RBM3: variants seen among roughly 807,000 people sequenced by gnomAD.
RBM3 encodes RNA binding motif protein 3.
Under a neutral mutation model 12.0 loss-of-function variants are expected in RBM3, and 3 were observed. The observed-to-expected ratio is 0.25, with a 90% CI of 0.11 to 0.65. The LOEUF (loss-of-function observed/expected upper bound fraction) is 0.65. RBM3 is among the 30% of genes least tolerant of loss of function. The probability of loss-of-function intolerance (pLI) is 0.84; values close to 1 mark genes in which losing one functional copy is unlikely to be tolerated. For missense variants in RBM3, 108 were observed against 134.5 expected (o/e 0.80, Z 0.97); for synonymous variants, 58 against 45.7 (o/e 1.27, Z -1.08).
In RBM3 at chrX:48,576,437, T is replaced by A. The variant is rs782158959; in HGVS notation, c.316+18T>A. 1 of 1,205,170 alleles carries A rather than the reference T, an allele frequency of 8.3e-7. No homozygotes were observed. The highest frequency in any genetic ancestry group is 1.8e-5 in the South Asian group (1 of 55,917). Reference sequence around the variant, plus strand: ...CTCTAGAGGTGAGTGCAGTGATCGTTTTGATCATGGGGTGAGAGGGAGAGT... The same window carrying A: ...CTCTAGAGGTGAGTGCAGTGATCGTATTGATCATGGGGTGAGAGGGAGAGT... On this transcript the variant is annotated intron_variant, in intron 4 of 6. Coordinates refer to ENST00000376759, the MANE Select transcript of RBM3 (RefSeq NM_006743.5).
chrX:48,577,567 A>T lies in RBM3; in HGVS notation c.*126A>T. ...AAGCATCTTATTTTATAGTATATCA[A>T]CCTTTTGTTTTTAAATTGACCTGCC... On this transcript the variant is annotated 3_prime_UTR_variant, in exon 7 of 7. Coordinates refer to ENST00000376759, the MANE Select transcript of RBM3 (RefSeq NM_006743.5). 2 of 827,394 alleles carry T rather than the reference A, an allele frequency of 2.4e-6. No individual in the cohort carries two copies. Among genetic ancestry groups the T allele is most frequent in the South Asian group, 2.3e-5 (1 of 42,615 alleles). The allele number at this position is 827,394 out of a possible 1,213,427, so 68.2% of individuals were successfully genotyped here.
At position 48,577,618 on chromosome X, in the gene RBM3, G is replaced by T; in HGVS notation, c.*177G>T. ...AAGGTAGCTGAAGACCTTTTAGACA[G>T]TTCCATCTTTTTTTTTAAATTTTTT... On this transcript the variant is annotated 3_prime_UTR_variant, in exon 7 of 7. Coordinates refer to ENST00000376759, the MANE Select transcript of RBM3 (RefSeq NM_006743.5). 1 of 420,215 alleles carries T rather than the reference G, an allele frequency of 2.4e-6. No individual in the cohort carries two copies. The highest frequency in any genetic ancestry group is 3.3e-6 in the Non-Finnish European group (1 of 306,494). The allele number at this position is 420,215 out of a possible 1,213,427, so 34.6% of individuals were successfully genotyped here.
intron 3 of RBM3, chrX:48,576,001 C>T (rs2062078294): frequency 2.3e-6 from 2 of 863,296 alleles, no homozygotes; most frequent in Admixed American, 3.7e-5. Flanking sequence ...AAGCCTCAAA[C>T]CAAGAGAGGT....
At chrX:48,577,242 T>C in intron 6 of RBM3, 133 bp downstream of exon 6, 2 of 1,134,844 alleles carry the variant, frequency 1.8e-6, no homozygotes, top group South Asian at 4.2e-5. Context: ...CAAACATTCC[T>C]AGCTAGGCCT....
rs1556989615 is a variant in RBM3 at position 48,577,461 on chromosome X, C to G, written c.*24-4C>G. ...CACAATTCTCCCCCTCTTGCTGTTC[C>G]CAGATACACAAGGAATAATTTCTGA... On this transcript the variant is annotated splice_polypyrimidine_tract_variant and splice_region_variant and intron_variant, in intron 6 of 6. Transcript: ENST00000376759. The G allele has an allele frequency of 1.9e-6, 2 of 1,051,969 alleles. No homozygotes were observed. The highest frequency in any genetic ancestry group is 2.5e-6 in the Non-Finnish European group (2 of 798,497). 86.7% of individuals were successfully genotyped at this position (1,051,969 alleles called of 1,213,427 possible). A position where few individuals can be genotyped will look rare whatever the true frequency, so the allele number is the denominator to read the frequency against.
At chrX:48,576,906 C>T in intron 5 of RBM3, 120 bp from the exon 6 acceptor site, 3 of 897,280 alleles carry the variant, frequency 3.3e-6, no homozygotes, top group Non-Finnish European at 4.6e-6. Flanking sequence ...CTTAACATAT[C>T]CTGTTTTTGA....
At chrX:48,574,845 A>C in intron 1 of RBM3, 1 of 361,218 alleles carries the variant, frequency 2.8e-6, no homozygotes, top group Non-Finnish European at 5.3e-6. Context: ...TCCTTATCCC[A>C]CGTGGCCGCC....
At chrX:48,575,146 A>G (rs782704794) in intron 1 of RBM3, 22 bp from the exon 2 acceptor site, 3 of 1,089,951 alleles carry the variant, frequency 2.8e-6, no homozygotes, top group Non-Finnish European at 3.8e-6. Context: ...TCCTGCCACC[A>G]TTCTTCATGT....
At position 48,578,426 on chromosome X, in the gene RBM3, A is replaced by T. The variant is rs1450800566; in HGVS notation, c.*985A>T. The T allele has an allele frequency of 9.0e-6, 1 of 111,024 alleles. No individual in the cohort carries two copies. Among genetic ancestry groups the T allele is most frequent in the East Asian group, 2.8e-4 (1 of 3,511 alleles). The allele number at this position is 111,024 out of a possible 1,213,427, so 9.1% of individuals were successfully genotyped here. ...CATCTCTACTAAAAATACAAAAGTT[A>T]GCGGGGCGTGGTGGCGGGTGCATGT... On this transcript the variant is annotated 3_prime_UTR_variant, in exon 7 of 7. Transcript: ENST00000376759.
At position 48,580,431 on chromosome X, in the gene RBM3, C is replaced by CT. The variant is rs1232104851; in HGVS notation, c.*2991dup. ...GTTTTTTTCCAGACAGGGTCTCACT[C>CT]TGTCTCCCAGGCTGGAGTGCAGTGG... On this transcript the variant is annotated 3_prime_UTR_variant, in exon 7 of 7. Transcript: ENST00000376759. 9.0e-6 allele frequency among the ~76,000 whole-genome samples: 1 copy of CT among 111,494 alleles called. No individual in the cohort carries two copies. Among genetic ancestry groups the CT allele is most frequent in the African/African-American group, 3.3e-5 (1 of 30,624 alleles).
rs782682380 is a variant in RBM3, at chrX:48,576,996, A to G, written c.414-30A>G. On this transcript the variant is annotated intron_variant, in intron 5 of 6. Coordinates refer to ENST00000376759, the MANE Select transcript of RBM3 (RefSeq NM_006743.5). ...GTGGTATATATAATGCAGTACCAGA[A>G]AACTTTTGTGTGTTTTTTTTCCCCC... The G allele has an allele frequency of 1.8e-5, 22 of 1,205,003 alleles. No homozygotes were observed. The African/African-American group carries it at 3.9e-4, about 21-fold the overall frequency.
chrX:48,576,468 A>G lies in RBM3; in HGVS notation c.317-40A>G. The G allele has an allele frequency of 3.3e-6, 4 of 1,196,504 alleles. No individual in the cohort carries two copies. In the South Asian group the frequency reaches 5.5e-5, roughly 16 times the overall value. ...CATGGGGTGAGAGGGAGAGTTGCCT[A>G]TGTGTGGACAACTGCCATTTAAATA... On this transcript the variant is annotated intron_variant, in intron 4 of 6. Transcript: ENST00000376759.
Position 48,580,419 on chromosome X carries a change from C to G in RBM3, c.*2978C>G, listed in dbSNP as rs2062097279. On this transcript the variant is annotated 3_prime_UTR_variant, in exon 7 of 7. Transcript: ENST00000376759. ...GTTTTTTTGTTGGTTTTTTTCCAGA[C>G]AGGGTCTCACTCTGTCTCCCAGGCT... Among the ~76,000 whole-genome samples, 1 of 111,197 alleles carries G rather than the reference C, an allele frequency of 9.0e-6. No homozygotes were observed. Among genetic ancestry groups the G allele is most frequent in the Admixed American group, 9.7e-5 (1 of 10,335 alleles).
rs1483235817 is a variant in RBM3 at position 48,577,938 on chromosome X, T to A, written c.*497T>A. 1 of 113,782 alleles carries A rather than the reference T, an allele frequency of 8.8e-6. No homozygotes were observed. The highest frequency in any genetic ancestry group is 3.3e-5 in the African/African-American group (1 of 30,686). The allele number at this position is 113,782 out of a possible 1,213,427, so 9.4% of individuals were successfully genotyped here. A position where few individuals can be genotyped will look rare whatever the true frequency, so the allele number is the denominator to read the frequency against. On this transcript the variant is annotated 3_prime_UTR_variant, in exon 7 of 7. Coordinates refer to ENST00000376759, the MANE Select transcript of RBM3 (RefSeq NM_006743.5). Reference sequence around the variant, plus strand: ...TGTACTAAACATAAAAAAATTAGCCTGGCATGGTGGTGTACGCCTGTAATC... The same window carrying A: ...TGTACTAAACATAAAAAAATTAGCCAGGCATGGTGGTGTACGCCTGTAATC...
At position 48,577,129 on chromosome X, in the gene RBM3, A is replaced by C; in HGVS notation, c.*23+20A>C. Reference sequence around the variant, plus strand: ...ATATAGGTGAGACTTGGATATCGGCATTGAGTGAACCTGTTTGTCACACTC... The same window carrying C: ...ATATAGGTGAGACTTGGATATCGGCCTTGAGTGAACCTGTTTGTCACACTC... On this transcript the variant is annotated intron_variant, in intron 6 of 6. Coordinates refer to ENST00000376759, the MANE Select transcript of RBM3 (RefSeq NM_006743.5). The C allele has an allele frequency of 8.3e-7, 1 of 1,210,191 alleles. No homozygotes were observed. Among genetic ancestry groups the C allele is most frequent in the Non-Finnish European group, 1.1e-6 (1 of 894,947 alleles).
rs1556989207 is a variant in RBM3 at position 48,576,309 on chromosome X, C to CT, written c.211-3dup. The CT allele has an allele frequency of 3.3e-6, 4 of 1,207,348 alleles. No individual in the cohort carries two copies. The highest frequency in any genetic ancestry group is 4.5e-6 in the Non-Finnish European group (4 of 893,728). On this transcript the variant is annotated splice_region_variant and splice_polypyrimidine_tract_variant and intron_variant, in intron 3 of 6. Transcript: ENST00000376759. ...ACCCATCATCCTTGTGTCTCCCACA[C>CT]TTAGTCTCTGGATGGTCGTCAGATC...
rs1440905312 is a variant in RBM3, at chrX:48,574,969, C to CTA, written c.-13-198_-13-197dup. ...GTGAGAGCATGCGCAATGTGGCCCC[C>CTA]TAATGGTGGCTGCGCTGAGCCAGCT... On this transcript the variant is annotated intron_variant, in intron 1 of 6. Coordinates refer to ENST00000376759, the MANE Select transcript of RBM3 (RefSeq NM_006743.5). 1.3e-5 allele frequency: 6 copies of CTA among 450,187 alleles called. No individual in the cohort carries two copies. The Admixed American group carries it at 1.9e-4, about 14-fold the overall frequency. 37.1% of individuals were successfully genotyped at this position (450,187 alleles called of 1,213,427 possible).
rs187675273 is a variant in RBM3 at position 48,579,055 on chromosome X, G to A, written c.*1614G>A. 5 of 101,163 alleles carry A rather than the reference G, an allele frequency of 4.9e-5. No homozygotes were observed. The highest frequency in any genetic ancestry group is 4.7e-4 in the South Asian group (1 of 2,145). 8.3% of individuals were successfully genotyped at this position (101,163 alleles called of 1,213,427 possible). ...AAGAGTTGGCAAAGCTCTCAGTCAC[G>A]GGGATTTGATCTTTTTTGGTGTGTG... is the stretch of plus-strand genomic sequence containing the variant. On this transcript the variant is annotated 3_prime_UTR_variant, in exon 7 of 7. Transcript: ENST00000376759.
Position 48,575,154 on chromosome X carries a change from T to C in RBM3, c.-13-14T>C, listed in dbSNP as rs1556988940. 2 of 1,131,894 alleles carry C rather than the reference T, an allele frequency of 1.8e-6. No homozygotes were observed. Among genetic ancestry groups the C allele is most frequent in the South Asian group, 1.9e-5 (1 of 53,447 alleles). 93.3% of individuals were successfully genotyped at this position (1,131,894 alleles called of 1,213,427 possible). On this transcript the variant is annotated splice_polypyrimidine_tract_variant and intron_variant, in intron 1 of 6. Transcript: ENST00000376759. Reference sequence around the variant, plus strand: ...TTCTCCTTCCTGCCACCATTCTTCATGTTCTTCCCACAGGACTTGAACTGC... The same window carrying C: ...TTCTCCTTCCTGCCACCATTCTTCACGTTCTTCCCACAGGACTTGAACTGC...
Sources: allele counts gnomAD v4.1 joint callset (sites outside exome capture counted in the v4.1 genomes callset), GRCh38; gene constraint gnomAD v4.1.1; transcripts MANE v1.5; gene names NCBI Gene and HGNC (gene_info 2026-07-23, HGNC 2026-07-21).